Variants in SBSPON observed in about 807,000 individuals in gnomAD.
SBSPON encodes the protein somatomedin B and thrombospondin type 1 domain containing.
Under a neutral mutation model 35.8 loss-of-function variants are expected in SBSPON, and 30 were observed. The observed-to-expected ratio is 0.84, with a 90% CI of 0.63 to 1.14. SBSPON has a LOEUF of 1.14. SBSPON is among the 50% of genes most tolerant of loss of function. The pLI, the probability that SBSPON is intolerant of heterozygous loss-of-function variation, is 0.00. For missense variants in SBSPON, 364 were observed against 357.7 expected (o/e 1.02, Z -0.14); for synonymous variants, 136 against 135.9 (o/e 1.00, Z 0.00).
At chr8:73,071,478 T>C (rs1810491179) in intron 3 of SBSPON, among the ~76,000 whole-genome samples, 1 of 152,162 alleles carries the variant, frequency 6.6e-6, no homozygotes, top group South Asian at 2.1e-4. Flanking sequence ...TAACGTCCCA[T>C]AAAGACTGTA....
intron 1 of SBSPON, among the ~76,000 whole-genome samples, chr8:73,082,602 C>T (rs1810730955): frequency 6.6e-6 from 1 of 152,178 alleles, no homozygotes; most frequent in Non-Finnish European, 1.5e-5. Flanking sequence ...ATGTCAACTA[C>T]CTAAAGAAGC....
intron 1 of SBSPON, among the ~76,000 whole-genome samples, chr8:73,092,647 G>T (rs1810957740): frequency 1.3e-5 from 2 of 152,096 alleles, no homozygotes; most frequent in African/African-American, 2.4e-5. Flanking sequence ...TGGGGGTGGG[G>T]GGACACTTCG....
intron 1 of SBSPON, among the ~76,000 whole-genome samples, chr8:73,088,012 C>T (rs1810866793): frequency 6.6e-6 from 1 of 152,174 alleles, no homozygotes; most frequent in African/African-American, 2.4e-5. Flanking sequence ...GGAGAATTTT[C>T]CATCCCTTTC....
chr8:73,072,370 A>T lies in SBSPON; in HGVS notation c.410-500T>A, dbSNP rs185779093. Among the ~76,000 whole-genome samples, 125 of 152,282 alleles carry T rather than the reference A, an allele frequency of 8.2e-4. 1 individual carries two copies. Among genetic ancestry groups the T allele is most frequent in the African/African-American group, 2.8e-3 (118 of 41,580 alleles). On this transcript the variant is annotated intron_variant, in intron 2 of 4. Coordinates refer to ENST00000297354, the MANE Select transcript of SBSPON (RefSeq NM_153225.4). ...AGAAAACAGACAAACAGAGAAAAAA[A>T]TGAGAAAGGAAAAAAGCAGCTGGCG... is the stretch of plus-strand genomic sequence containing the variant.
Position 73,092,876 on chromosome 8 carries a change from G to A in SBSPON, c.192C>T (p.Phe64=). Residue 64 remains phenylalanine (F), a synonymous_variant, in exon 1 of 5, where the codon TTC becomes TTT. Transcript: ENST00000297354. ...CACCTGGGCACGCCCTGTCGTAGTCGAAGCAGCAGTCCCCGGTGAAGCGAC... is the reference window on the plus strand; with the variant it reads ...CACCTGGGCACGCCCTGTCGTAGTCAAAGCAGCAGTCCCCGGTGAAGCGAC... ...QACRFTGDCC[F]DYDRACPARP... is the part of the protein sequence containing the mutation. The A allele has an allele frequency of 1.2e-6, 2 of 1,611,812 alleles. No homozygotes were observed.
chr8:73,068,985 G>T (rs1372448383), intron 4 of SBSPON, among the ~76,000 whole-genome samples: 2 of 152,284 alleles, frequency 1.3e-5, no homozygotes, highest in East Asian at 3.9e-4. Context: ...TAGTGTCTGT[G>T]ACTGTTTTCC....
intron 1 of SBSPON, among the ~76,000 whole-genome samples, chr8:73,090,895 A>G (rs938308206): frequency 1.3e-5 from 2 of 152,146 alleles, no homozygotes; most frequent in Admixed American, 6.5e-5. Context: ...CTCCAAAACC[A>G]TAGGCTCTTT....
At chr8:73,074,917 C>T (rs1424587937) in intron 2 of SBSPON, among the ~76,000 whole-genome samples, 1 of 152,150 alleles carries the variant, frequency 6.6e-6, no homozygotes, top group East Asian at 1.9e-4. Flanking sequence ...GGTGTTATAC[C>T]AATTTCATTC....
intron 1 of SBSPON, among the ~76,000 whole-genome samples, chr8:73,086,550 C>T (rs1298916169): frequency 6.6e-6 from 1 of 152,110 alleles, no homozygotes; most frequent in African/African-American, 2.4e-5. Flanking sequence ...GACTACATTC[C>T]CCAAGTGCCT....
chr8:73,090,075 G>A (rs576058399), intron 1 of SBSPON, among the ~76,000 whole-genome samples: 24 of 152,236 alleles, frequency 1.6e-4, no homozygotes, highest in East Asian at 9.7e-4. Flanking sequence ...ATAGGGTTTC[G>A]CCATGTTGGC....
chr8:73,073,427 C>T (rs566845590), intron 2 of SBSPON, among the ~76,000 whole-genome samples: 1 of 152,244 alleles, frequency 6.6e-6, no homozygotes, highest in Non-Finnish European at 1.5e-5. Context: ...TTGATTTTAC[C>T]TGTCTCTTTA....
intron 2 of SBSPON, 105 bp downstream of exon 2, chr8:73,080,914 G>A: frequency 1.0e-6 from 1 of 983,334 alleles, no homozygotes; most frequent in Non-Finnish European, 1.5e-6. Context: ...ACCACTCCCT[G>A]TGGTGCATGG....
chr8:73,081,031 C>G lies in SBSPON; in HGVS notation c.397G>C (p.Gly133Arg). 1 of 1,600,068 alleles carries G rather than the reference C, an allele frequency of 6.2e-7. No homozygotes were observed. Among genetic ancestry groups the G allele is most frequent in the South Asian group, 1.1e-5 (1 of 88,560 alleles). Reference protein sequence around the residue: ...EYSTPQGQDCGHTYVPAFITT... With the variant: ...EYSTPQGQDCRHTYVPAFITT... ...AAAACATCAGTACCATAGGTGTGCCCGCAGTCCTGGCCCTGCGGGGTGGAG... is the reference window on the plus strand; with the variant it reads ...AAAACATCAGTACCATAGGTGTGCCGGCAGTCCTGGCCCTGCGGGGTGGAG... Residue 133 changes from glycine (G) to arginine (R), a missense_variant, in exon 2 of 5, where the codon GGG becomes CGG. Gly to Arg is a moderately radical substitution (Grantham distance 125). Coordinates refer to ENST00000297354, the MANE Select transcript of SBSPON (RefSeq NM_153225.4).
At position 73,071,785 on chromosome 8, in the gene SBSPON, A is replaced by C; in HGVS notation, c.495T>G (p.Asp165Glu). Residue 165 changes from aspartate to glutamate, a missense_variant, in exon 3 of 5, where the codon GAT becomes GAG. Transcript: ENST00000297354. ...TSPHWSTHTE[D>E]AGYCMEFKTE... ...AAAAAAAAACACGAAATTACCCAGC[A>C]TCCTCTGTGTGTGTAGACCAGTGTG... The C allele has an allele frequency of 6.3e-7, 1 of 1,585,580 alleles. No homozygotes were observed. Among genetic ancestry groups the C allele is most frequent in the South Asian group, 1.1e-5 (1 of 88,162 alleles).
chr8:73,073,034 C>CCT (rs1203050347), intron 2 of SBSPON, among the ~76,000 whole-genome samples: 2 of 152,182 alleles, frequency 1.3e-5, no homozygotes, highest in African/African-American at 4.8e-5. Flanking sequence ...TATAATAACA[C>CCT]CTATAGGTGT....
Position 73,071,639 on chromosome 8 carries a change from C to G in SBSPON, c.500+141G>C, listed in dbSNP as rs968174636. The stretch of plus-strand genomic sequence containing the variant: ...GGAGGGGACAAGTATTTTCCCAACT[C>G]TGATGAAGAGTCCATATTTTAGCCA... On this transcript the variant is annotated intron_variant, in intron 3 of 4. Coordinates refer to ENST00000297354, the MANE Select transcript of SBSPON (RefSeq NM_153225.4). 3 of 602,060 alleles carry G rather than the reference C, an allele frequency of 5.0e-6. No individual in the cohort carries two copies. In the African/African-American group the frequency reaches 5.6e-5, roughly 11 times the overall value. 37.3% of individuals were successfully genotyped at this position (602,060 alleles called of 1,614,324 possible).
chr8:73,076,846 C>T (rs1810603182), intron 2 of SBSPON, among the ~76,000 whole-genome samples: 1 of 152,140 alleles, frequency 6.6e-6, no homozygotes, highest in Non-Finnish European at 1.5e-5. Context: ...TCATTTTTGC[C>T]TGGGGAAACC....
intron 3 of SBSPON, among the ~76,000 whole-genome samples, chr8:73,070,352 A>G (rs1163142975): frequency 1.3e-5 from 2 of 152,206 alleles, no homozygotes; most frequent in African/African-American, 2.4e-5. Context: ...AAGGAATTCT[A>G]TAAATTGAAC....
intron 1 of SBSPON, among the ~76,000 whole-genome samples, chr8:73,092,643 T>TG (rs1247259910): frequency 2.0e-5 from 3 of 149,438 alleles, no homozygotes; most frequent in Non-Finnish European, 4.4e-5. Context: ...GTCTTGGGGG[T>TG]GGGGGGACAC....
Sources: allele counts gnomAD v4.1 joint callset (sites outside exome capture counted in the v4.1 genomes callset), GRCh38; gene constraint gnomAD v4.1.1; transcripts MANE v1.5; gene names NCBI Gene and HGNC (gene_info 2026-07-23, HGNC 2026-07-21).